Variants in PLEKHA4 observed in about 807,000 individuals in gnomAD.
PLEKHA4 encodes the protein pleckstrin homology domain containing A4, also known as pleckstrin homology domain-containing family A member 4.
Under a neutral mutation model 94.7 loss-of-function variants are expected in PLEKHA4, and 73 were observed. The observed-to-expected ratio is 0.77, with a 90% CI of 0.64 to 0.94. The LOEUF (loss-of-function observed/expected upper bound fraction) is 0.94. Ranked by LOEUF, PLEKHA4 falls within the 40% of genes least tolerant of loss-of-function variation. PLEKHA4 has a pLI of 0.00. For synonymous variants in PLEKHA4, 449 were observed against 437.1 expected, an observed-to-expected ratio of 1.03 and a Z score of -0.34; for missense variants, 1,049 against 1,054.1, an observed-to-expected ratio of 1.00 and a Z score of 0.07.
Position 48,860,386 on chromosome 19 carries a change from G to C in PLEKHA4, c.440C>G (p.Ala147Gly). The change falls in exon 6 of 20, where the codon GCG becomes GGG. Residue 147 changes from alanine (A) to glycine (G), a missense_variant. Physicochemically the swap from Ala to Gly is moderately conservative, Grantham distance 60. Coordinates refer to ENST00000263265, the MANE Select transcript of PLEKHA4 (RefSeq NM_020904.3). ...TLEDLRGWLRALGRASRAEGD... is the reference protein window; with the variant it reads ...TLEDLRGWLRGLGRASRAEGD... Reference sequence around the variant, plus strand: ...CTCCGCACGGGAGGCCCGGCCCAGCGCCCGTAGCCAGCCCCGCAGGTCTTC... The same window carrying C: ...CTCCGCACGGGAGGCCCGGCCCAGCCCCCGTAGCCAGCCCCGCAGGTCTTC... The C allele has an allele frequency of 6.2e-7, 1 of 1,614,054 alleles. No homozygotes were observed. The highest frequency in any genetic ancestry group is 2.2e-5 in the East Asian group (1 of 44,878).
Position 48,853,721 on chromosome 19 carries a change from C to A in PLEKHA4, c.1287G>T (p.Arg429=). 6.2e-7 allele frequency: 1 copy of A among 1,606,436 alleles called. No homozygotes were observed. The highest frequency in any genetic ancestry group is 8.5e-7 in the Non-Finnish European group (1 of 1,177,430). ...AWGRQRLLQD[R]LVSVRATLCH... ...AGAGGGTGGCCCTCACACTGACCAG[C>A]CGGTCCTGCAAGAGGCGCTGGCGAC... The change falls in exon 12 of 20, where the codon CGG becomes CGT. Residue 429 remains arginine (R), a synonymous_variant. Coordinates refer to ENST00000263265, the MANE Select transcript of PLEKHA4 (RefSeq NM_020904.3).
chr19:48,848,535 G>A (rs1459199885), intron 13 of PLEKHA4, among the ~76,000 whole-genome samples: 1 of 148,974 alleles, frequency 6.7e-6, no homozygotes, highest in East Asian at 2.0e-4. Flanking sequence ...GCTCACACCT[G>A]TAATCCCAGC....
chr19:48,861,250 C>T (rs913065450), intron 5 of PLEKHA4, 151 bp downstream of exon 5: 30 of 734,666 alleles, frequency 4.1e-5, no homozygotes, highest in Non-Finnish European at 5.5e-5. Flanking sequence ...CAAAACAAAA[C>T]GAGGATGCAA....
Position 48,854,216 on chromosome 19 carries a change from C to A in PLEKHA4, c.1095+1G>T, listed in dbSNP as rs1236716236. 1 of 1,613,946 alleles carries A rather than the reference C, an allele frequency of 6.2e-7. No individual in the cohort carries two copies. The highest frequency in any genetic ancestry group is 1.3e-5 in the African/African-American group (1 of 74,918). On this transcript the variant is annotated splice_donor_variant, in intron 10 of 19. Coordinates refer to ENST00000263265, the MANE Select transcript of PLEKHA4 (RefSeq NM_020904.3). LOFTEE classifies it high-confidence loss of function. ...CAAGGATTAGATCAGTGACAACTTA[C>A]ATCTGTCTCCAAGCTTTGGTGGAAA...
chr19:48,844,661 C>T, intron 16 of PLEKHA4: 1 of 985,242 alleles, frequency 1.0e-6, no homozygotes. Flanking sequence ...CTTCTGAAAA[C>T]CAGCCAATCA....
chr19:48,848,208 T>A (rs1023742894), intron 13 of PLEKHA4, among the ~76,000 whole-genome samples, 168 bp from the exon 14 acceptor site: 2 of 152,230 alleles, frequency 1.3e-5, no homozygotes, highest in East Asian at 3.9e-4. Flanking sequence ...CTGTCTTGGC[T>A]GGGCGCGGTG....
Position 48,837,228 on chromosome 19 carries a change from T to A in PLEKHA4, c.*61A>T. 6.2e-7 allele frequency: 1 copy of A among 1,612,146 alleles called. No homozygotes were observed. The highest frequency in any genetic ancestry group is 8.5e-7 in the Non-Finnish European group (1 of 1,178,572). On this transcript the variant is annotated 3_prime_UTR_variant, in exon 20 of 20. Transcript: ENST00000263265. The surrounding 1 kb of genome is among the most constrained non-coding windows in gnomAD (Gnocchi z 4.3). ...CCCTGATGCCCTGAGTGGTCCCAGATCTCCGGCGGTACCTCCAGACCACGT... is the reference window on the plus strand; with the variant it reads ...CCCTGATGCCCTGAGTGGTCCCAGAACTCCGGCGGTACCTCCAGACCACGT...
intron 8 of PLEKHA4, 27 bp downstream of exon 8, chr19:48,858,833 T>TC: frequency 6.2e-7 from 1 of 1,612,810 alleles, no homozygotes; most frequent in Middle Eastern, 1.7e-4. Context: ...GGAAACGTAG[T>TC]CCCCTCCTTC....
chr19:48,860,806 G>A (rs2036606375), intron 5 of PLEKHA4, among the ~76,000 whole-genome samples: 1 of 147,646 alleles, frequency 6.8e-6, no homozygotes, highest in African/African-American at 2.5e-5. Flanking sequence ...GGAAGGGAAG[G>A]GAGAGAAAGA....
intron 13 of PLEKHA4, among the ~76,000 whole-genome samples, chr19:48,849,939 G>A (rs975992637): frequency 2.6e-5 from 4 of 152,196 alleles, no homozygotes; most frequent in African/African-American, 7.2e-5. Context: ...TTGGCCGGGC[G>A]CAGTAGCTCA....
intron 18 of PLEKHA4, among the ~76,000 whole-genome samples, chr19:48,838,977 A>T (rs555409521): frequency 6.6e-6 from 1 of 152,048 alleles, no homozygotes; most frequent in South Asian, 2.1e-4. Context: ...AATTTCCTTG[A>T]TGCAGAAGTA....
rs1441583171 is a variant in PLEKHA4 at position 48,838,003 on chromosome 19, C to T, written c.2077+14G>A. On this transcript the variant is annotated intron_variant, in intron 19 of 19. Coordinates refer to ENST00000263265, the MANE Select transcript of PLEKHA4 (RefSeq NM_020904.3). ...TCCCTAAAACCCAGAAGTCCAACAT[C>T]CCCAGCCAGTCACCTGTCATCATTC... 2 of 1,598,692 alleles carry T rather than the reference C, an allele frequency of 1.3e-6. No individual in the cohort carries two copies. The highest frequency in any genetic ancestry group is 1.1e-5 in the South Asian group (1 of 90,664).
intron 12 of PLEKHA4, 120 bp downstream of exon 12, chr19:48,853,562 T>A: frequency 9.4e-7 from 1 of 1,062,786 alleles, no homozygotes; most frequent in Non-Finnish European, 1.2e-6. Context: ...ATAATAAAAT[T>A]TGGAGTGTAG....
rs1274953233 is a variant in PLEKHA4, at chr19:48,861,419, C to T, written c.348G>A (p.Gly116=). The change falls in exon 5 of 20, where the codon GGG becomes GGA. Residue 116 remains glycine, a synonymous_variant. Coordinates refer to ENST00000263265, the MANE Select transcript of PLEKHA4 (RefSeq NM_020904.3). ...GACTCACGGTGAAGGTGAAGCGCCGCCCTCGGGGGGCTCCCGGCCCATCTG... is the reference window on the plus strand; with the variant it reads ...GACTCACGGTGAAGGTGAAGCGCCGTCCTCGGGGGGCTCCCGGCCCATCTG... ...IRPDGPGAPR[G]RRFTFTAEHP... is the part of the protein sequence containing the mutation. The T allele has an allele frequency of 6.2e-7, 1 of 1,613,652 alleles. No individual in the cohort carries two copies. The highest frequency in any genetic ancestry group is 1.3e-5 in the African/African-American group (1 of 74,930).
Position 48,857,459 on chromosome 19 carries a change from G to A in PLEKHA4, c.1010C>T (p.Pro337Leu), listed in dbSNP as rs145141779. 1,878 of 1,562,286 alleles carry A rather than the reference G, an allele frequency of 1.2e-3. 28 individuals carry two copies. In the East Asian group the frequency reaches 0.035, roughly 29 times the overall value. Reference protein sequence around the residue: ...SGSPTYLQLPPRPPGTRASMV... With the variant: ...SGSPTYLQLPLRPPGTRASMV... ...GGAGGCCCGGGTCCCAGGGGGCCGC[G>A]GGGGGAGCTGGAGATAAGTGGGGGA... Residue 337 changes from proline to leucine, a missense_variant, in exon 9 of 20, where the codon CCG (proline) becomes CTG (leucine). By Grantham distance (98) the Pro-to-Leu change is moderately conservative (BLOSUM62 -3). Transcript: ENST00000263265.
intron 8 of PLEKHA4, 24 bp downstream of exon 8, chr19:48,858,836 C>A (rs570214576): frequency 6.2e-7 from 1 of 1,612,500 alleles, no homozygotes; most frequent in Non-Finnish European, 8.5e-7. Context: ...AACGTAGTCC[C>A]CTCCTTCTCA....
chr19:48,866,399 C>T (rs1344390304), intron 2 of PLEKHA4, among the ~76,000 whole-genome samples: 2 of 152,020 alleles, frequency 1.3e-5, no homozygotes, highest in East Asian at 1.9e-4. Flanking sequence ...CCCTGCCTCT[C>T]GGGTTCAAGT....
intron 18 of PLEKHA4, 42 bp downstream of exon 18, chr19:48,839,163 T>C: frequency 6.9e-7 from 1 of 1,448,676 alleles, no homozygotes; most frequent in Non-Finnish European, 9.3e-7. Context: ...CTTTTGCAAA[T>C]TTTTTTTTCC....
chr19:48,853,945 C>T, intron 11 of PLEKHA4, 62 bp downstream of exon 11: 1 of 1,603,154 alleles, frequency 6.2e-7, no homozygotes, highest in Non-Finnish European at 8.5e-7. Context: ...CTTCCGCATT[C>T]AGGAAGGGCT....
Sources: allele counts gnomAD v4.1 joint callset (sites outside exome capture counted in the v4.1 genomes callset), GRCh38; gene constraint gnomAD v4.1.1; non-coding constraint Gnocchi (gnomAD v3.1); transcripts MANE v1.5; gene names NCBI Gene and HGNC (gene_info 2026-07-23, HGNC 2026-07-21).